Variants in CERS6 observed in about 807,000 individuals in gnomAD.
CERS6 encodes the protein ceramide synthase 6.
CERS6 carries 26 observed loss-of-function variants against 56.8 expected under a neutral mutation model. That is an observed-to-expected ratio of 0.46 (90% CI 0.34 to 0.63). The LOEUF (loss-of-function observed/expected upper bound fraction) is 0.63. Ranked by LOEUF, CERS6 falls within the 30% of genes least tolerant of loss-of-function variation. CERS6 has a pLI of 0.01. For synonymous variants in CERS6, 164 were observed against 173.3 expected, an observed-to-expected ratio of 0.95 and a Z score of 0.42; for missense variants, 415 against 467.5, an observed-to-expected ratio of 0.89 and a Z score of 1.04.
chr2:168,767,051 C>A (rs1240937713), intron 9 of CERS6, among the ~76,000 whole-genome samples: 1 of 152,206 alleles, frequency 6.6e-6, no homozygotes, highest in East Asian at 1.9e-4. Flanking sequence ...ACAAAACTGT[C>A]AATATGATAA....
intron 3 of CERS6, among the ~76,000 whole-genome samples, chr2:168,626,205 A>G (rs528988179): frequency 3.3e-5 from 5 of 152,166 alleles, no homozygotes; most frequent in Non-Finnish European, 7.3e-5. Context: ...GTTTCATTAA[A>G]TGACTTCCTA....
chr2:168,619,554 T>C (rs1453435509), intron 3 of CERS6, among the ~76,000 whole-genome samples: 1 of 151,310 alleles, frequency 6.6e-6, no homozygotes, highest in Non-Finnish European at 1.5e-5. Flanking sequence ...TTAAGGACAT[T>C]AATAGAGAAT....
chr2:168,746,984 A>G (rs1054239516), intron 8 of CERS6, among the ~76,000 whole-genome samples: 9 of 151,754 alleles, frequency 5.9e-5, no homozygotes, highest in East Asian at 1.9e-4. Flanking sequence ...CCATTTTGGC[A>G]TATGTTCATT....
chr2:168,561,901 C>T (rs1173651218), intron 3 of CERS6, among the ~76,000 whole-genome samples: 1 of 152,020 alleles, frequency 6.6e-6, no homozygotes, highest in Non-Finnish European at 1.5e-5. Flanking sequence ...TATTAAAGGA[C>T]CCACAGAGAG....
chr2:168,597,131 G>T (rs2105407683), intron 3 of CERS6, among the ~76,000 whole-genome samples: 1 of 152,258 alleles, frequency 6.6e-6, no homozygotes, highest in South Asian at 2.1e-4. Flanking sequence ...AGTAGGGATG[G>T]CGCCAGGTTT....
intron 1 of CERS6, among the ~76,000 whole-genome samples, chr2:168,478,090 GT>G (rs34329011): frequency 0.98 from 146,987 of 149,952 alleles, 72,072 homozygotes; most frequent in East Asian, 1. Flanking sequence ...ATCATTCAGG[GT>G]TTTTTTTTTT....
intron 4 of CERS6, among the ~76,000 whole-genome samples, chr2:168,654,264 G>A (rs537889532): frequency 5.9e-4 from 90 of 152,206 alleles, no homozygotes; most frequent in African/African-American, 2.0e-3. Context: ...AATGTGTGTC[G>A]TAGGCCTGGT....
At chr2:168,602,689 A>C (rs1683963666) in intron 3 of CERS6, among the ~76,000 whole-genome samples, 1 of 152,242 alleles carries the variant, frequency 6.6e-6, no homozygotes, top group Non-Finnish European at 1.5e-5. Context: ...ATGATTTGAC[A>C]TCAAAAACAG....
chr2:168,547,211 C>T (rs17202792), intron 1 of CERS6, among the ~76,000 whole-genome samples: 13,749 of 152,144 alleles, frequency 0.09, 695 homozygotes, highest in Middle Eastern at 0.17. Context: ...GCTTAGTAAA[C>T]GTTTTCTCAC....
rs138099346 is a variant in CERS6 at position 168,523,542 on chromosome 2, G to A, written c.171-24054G>A. On this transcript the variant is annotated intron_variant, in intron 1 of 9. Transcript: ENST00000305747. ...GCCACACTGTGTACGACAGTGGCAC[G>A]TGCAGCACTTTTAGAGTAGAAAGAG... is the stretch of plus-strand genomic sequence containing the variant. Among the ~76,000 whole-genome samples the A allele has an allele frequency of 9.3e-4, 141 of 152,182 alleles. 1 individual carries two copies. The highest frequency in any genetic ancestry group is 1.5e-3 in the Non-Finnish European group (103 of 68,026).
chr2:168,765,831 T>C, intron 9 of CERS6, 83 bp downstream of exon 9: 1 of 1,231,848 alleles, frequency 8.1e-7, no homozygotes, highest in East Asian at 2.4e-5. Context: ...TACTATTCCA[T>C]ATTTCATCAA....
chr2:168,748,834 G>C (rs537146513), intron 8 of CERS6, among the ~76,000 whole-genome samples: 2 of 139,048 alleles, frequency 1.4e-5, no homozygotes, highest in East Asian at 2.5e-4. Context: ...TTGGGGGTGG[G>C]GGGGGGGCAG....
chr2:168,766,462 T>A, intron 9 of CERS6: 1 of 901,896 alleles, frequency 1.1e-6, no homozygotes, highest in East Asian at 2.4e-5. Context: ...TGGCACTGTC[T>A]AGAGGCTTCA....
chr2:168,750,644 C>T (rs1265891621), intron 8 of CERS6, among the ~76,000 whole-genome samples: 1 of 152,086 alleles, frequency 6.6e-6, no homozygotes, highest in African/African-American at 2.4e-5. Flanking sequence ...ATTTGATGCC[C>T]TATTTTAGGG....
intron 3 of CERS6, among the ~76,000 whole-genome samples, chr2:168,618,771 G>A (rs1684387834): frequency 6.6e-6 from 1 of 152,060 alleles, no homozygotes; most frequent in Admixed American, 6.6e-5. Flanking sequence ...CTCATGGGTG[G>A]GTAGAATAAA....
intron 3 of CERS6, among the ~76,000 whole-genome samples, chr2:168,598,172 C>T (rs924466490): frequency 4.6e-5 from 7 of 152,226 alleles, no homozygotes; most frequent in African/African-American, 1.4e-4. Flanking sequence ...ATAGCTGCTT[C>T]CATCAGCTGA....
chr2:168,511,305 T>C (rs1373511639), intron 1 of CERS6, among the ~76,000 whole-genome samples: 1 of 152,198 alleles, frequency 6.6e-6, no homozygotes, highest in East Asian at 1.9e-4. Context: ...GGTTTTTGTA[T>C]TTTTTCCTTT....
chr2:168,571,550 A>G (rs1363422677), intron 3 of CERS6, among the ~76,000 whole-genome samples: 1 of 152,102 alleles, frequency 6.6e-6, no homozygotes, highest in Non-Finnish European at 1.5e-5. Flanking sequence ...TTGACTATTG[A>G]AAGTAGGTTT....
intron 8 of CERS6, among the ~76,000 whole-genome samples, chr2:168,726,736 G>A (rs1057290150): frequency 6.6e-6 from 1 of 152,036 alleles, no homozygotes; most frequent in African/African-American, 2.4e-5. Context: ...ATAAATATTA[G>A]GCATTTTTCA....
Sources: gnomAD v4.1 joint callset for allele counts (sites outside exome capture counted in the v4.1 genomes callset) on GRCh38, gnomAD v4.1.1 for gene constraint, MANE v1.5 for transcripts, NCBI Gene and HGNC (gene_info 2026-07-23, HGNC 2026-07-21) for gene names.